The following MAPK8IP1 variants were observed in gnomAD, a reference collection of about 807,000 sequenced individuals.
MAPK8IP1 encodes the protein mitogen-activated protein kinase 8 interacting protein 1.
MAPK8IP1 carries 17 observed loss-of-function variants against 72.6 expected under a neutral mutation model. The observed-to-expected ratio is 0.23, with a 90% CI of 0.16 to 0.35. The LOEUF (loss-of-function observed/expected upper bound fraction) is 0.35, where lower values mean the gene tolerates loss of function less well. Among genes scored for constraint, MAPK8IP1 ranks in the 10% least tolerant of loss-of-function variants. The probability of loss-of-function intolerance (pLI) is 1.00; values close to 1 mark genes in which losing one functional copy is unlikely to be tolerated. For synonymous variants in MAPK8IP1, 401 were observed against 443.4 expected (o/e 0.90, Z 1.20); for missense variants, 789 against 1,009.7 (o/e 0.78, Z 2.96).
intron 1 of MAPK8IP1, among the ~76,000 whole-genome samples, chr11:45,892,101 T>C (rs1533614): frequency 0.88 from 133,269 of 152,188 alleles, 59,127 homozygotes; most frequent in Non-Finnish European, 0.94. Context: ...GGAGATGACC[T>C]CCGTATGGAG....
rs1354857461 is a variant in MAPK8IP1, at chr11:45,900,732, A to T, written c.522+280A>T. On this transcript the variant is annotated intron_variant, in intron 3 of 11. Transcript: ENST00000241014. The surrounding 1 kb of genome is among the most constrained non-coding windows in gnomAD (Gnocchi z 6.5). ...AGGAGAGGAGTAGGGAATTAAGAGA[A>T]TGAGGCTTTGAGGGGTTCGAAGGGT... 6.6e-6 allele frequency among the ~76,000 whole-genome samples: 1 copy of T among 152,100 alleles called. No individual in the cohort carries two copies. Among genetic ancestry groups the T allele is most frequent in the Admixed American group, 6.5e-5 (1 of 15,280 alleles).
chr11:45,892,950 AGCTTCGT>A, intron 1 of MAPK8IP1, among the ~76,000 whole-genome samples: 1 of 152,328 alleles, frequency 6.6e-6, no homozygotes, highest in Non-Finnish European at 1.5e-5. Flanking sequence ...ACTGGGAGCC[AGCTTCGT>A]TCTCAGCACT....
In MAPK8IP1 at chr11:45,903,013, T is replaced by C. The variant is rs1315279497; in HGVS notation, c.1246T>C (p.Cys416Arg). Reference sequence around the variant, plus strand: ...TGACTCTGCCACCGTCTATGACAACTGTGCCTCCGTCTCCTCGCCCTATGA... The same window carrying C: ...TGACTCTGCCACCGTCTATGACAACCGTGCCTCCGTCTCCTCGCCCTATGA... ...ESDSATVYDN[C>R]ASVSSPYESA... The change falls in exon 5 of 12, where the codon TGT becomes CGT. Residue 416 changes from cysteine (C) to arginine (R), a missense_variant. Physicochemically the swap from Cys to Arg is radical, Grantham distance 180. Around this residue, in one of 4 missense-constraint regions of MAPK8IP1, gnomAD observed 377 missense variants for 411.7 expected, o/e 0.92. Transcript: ENST00000241014. The surrounding 1 kb of genome is among the most constrained non-coding windows in gnomAD (Gnocchi z 6.4). 6.2e-7 allele frequency: 1 copy of C among 1,611,700 alleles called. No individual in the cohort carries two copies. Among genetic ancestry groups the C allele is most frequent in the Non-Finnish European group, 8.5e-7 (1 of 1,179,894 alleles).
At position 45,902,913 on chromosome 11, in the gene MAPK8IP1, G is replaced by T; in HGVS notation, c.1146G>T (p.Thr382=). ...SALSYDSVKY[T]LVVDEHAQLE... ...TGTCCTATGACTCTGTCAAGTACAC[G>T]CTGGTGGTAGATGAGCATGCACAGC... is the stretch of plus-strand genomic sequence containing the variant. Residue 382 remains threonine (T), a synonymous_variant, in exon 5 of 12, where the codon ACG becomes ACT. Coordinates refer to ENST00000241014, the MANE Select transcript of MAPK8IP1 (RefSeq NM_005456.4). The surrounding 1 kb of genome is among the most constrained non-coding windows in gnomAD (Gnocchi z 9.3). 1.2e-6 allele frequency: 2 copies of T among 1,609,550 alleles called. No homozygotes were observed. The highest frequency in any genetic ancestry group is 2.2e-5 in the South Asian group (2 of 90,372).
In MAPK8IP1 at chr11:45,902,921, T is replaced by C. The variant is rs758792311; in HGVS notation, c.1154T>C (p.Val385Ala). Residue 385 changes from valine (V) to alanine (A), a missense_variant, in exon 5 of 12, where the codon GTA (valine) becomes GCA (alanine). Coordinates refer to ENST00000241014, the MANE Select transcript of MAPK8IP1 (RefSeq NM_005456.4). This position sits in a 1 kb window ranked among gnomAD's most constrained non-coding sequence, Gnocchi z 9.3. ...GACTCTGTCAAGTACACGCTGGTGG[T>C]AGATGAGCATGCACAGCTGGAGCTG... ...SYDSVKYTLV[V>A]DEHAQLELVS... 6.2e-7 allele frequency: 1 copy of C among 1,610,542 alleles called. No homozygotes were observed. Among genetic ancestry groups the C allele is most frequent in the Admixed American group, 1.7e-5 (1 of 59,682 alleles).
In MAPK8IP1 at chr11:45,902,672, C is replaced by G. The variant is rs763930612; in HGVS notation, c.905C>G (p.Pro302Arg). 2 of 1,612,052 alleles carry G rather than the reference C, an allele frequency of 1.2e-6. No individual in the cohort carries two copies. Among genetic ancestry groups the G allele is most frequent in the Non-Finnish European group, 1.7e-6 (2 of 1,179,936 alleles). Reference sequence around the variant, plus strand: ...GAGCCCACCTCCGCCTTCCTGCCGCCCACTGAGAGCCGGATGTCAGTCAGC... The same window carrying G: ...GAGCCCACCTCCGCCTTCCTGCCGCGCACTGAGAGCCGGATGTCAGTCAGC... Reference protein sequence around the residue: ...AAEPTSAFLPPTESRMSVSSD... With the variant: ...AAEPTSAFLPRTESRMSVSSD... The change falls in exon 5 of 12, where the codon CCC becomes CGC. Residue 302 changes from proline (P) to arginine (R), a missense_variant. Pro to Arg is a moderately radical substitution (Grantham distance 103). Around this residue, in one of 4 missense-constraint regions of MAPK8IP1, gnomAD observed 377 missense variants for 411.7 expected, o/e 0.92. Coordinates refer to ENST00000241014, the MANE Select transcript of MAPK8IP1 (RefSeq NM_005456.4). This position sits in a 1 kb window ranked among gnomAD's most constrained non-coding sequence, Gnocchi z 9.3.
chr11:45,899,850 C>G (rs2086635632), intron 2 of MAPK8IP1, among the ~76,000 whole-genome samples: 3 of 152,198 alleles, frequency 2.0e-5, no homozygotes, highest in Admixed American at 2.0e-4. Flanking sequence ...CTTACAACCC[C>G]GGTGAGGTCA....
intron 1 of MAPK8IP1, among the ~76,000 whole-genome samples, chr11:45,897,839 G>A (rs1222645994): frequency 1.3e-5 from 2 of 152,182 alleles, no homozygotes; most frequent in Non-Finnish European, 2.9e-5. Context: ...AGCTTCCAGG[G>A]AGGAGCCAGA....
Position 45,898,119 on chromosome 11 carries a change from G to A in MAPK8IP1, c.136G>A (p.Asp46Asn). Residue 46 changes from aspartate (D) to asparagine (N), a missense_variant, in exon 2 of 12, where the codon GAT becomes AAT. This residue lies in a region of MAPK8IP1 where 112 missense variants were observed against 111.8 expected (regional missense o/e 1.00). Transcript: ENST00000241014. The part of the protein sequence containing the change: ...THDISLEEFE[D>N]EDLSEITDEC... ...TGACATCAGCCTGGAGGAGTTTGAG[G>A]ATGAAGACCTCTCGGAGATCACTGA... is the stretch of plus-strand genomic sequence containing the variant. The A allele has an allele frequency of 1.2e-6, 2 of 1,613,792 alleles. No homozygotes were observed. Among genetic ancestry groups the A allele is most frequent in the Non-Finnish European group, 1.7e-6 (2 of 1,179,808 alleles).
chr11:45,906,462 TG>T lies in MAPK8IP1; in HGVS notation c.*743del. 7.4e-7 allele frequency: 1 copy of T among 1,356,250 alleles called. No individual in the cohort carries two copies. The highest frequency in any genetic ancestry group is 9.8e-7 in the Non-Finnish European group (1 of 1,021,392). 84.0% of individuals were successfully genotyped at this position (1,356,250 alleles called of 1,614,324 possible). On this transcript the variant is annotated 3_prime_UTR_variant, in exon 12 of 12. Coordinates refer to ENST00000241014, the MANE Select transcript of MAPK8IP1 (RefSeq NM_005456.4). ...AACTATTAAAGTGCCATTTCCTGTC[TG>T]GACTGCAGTGGATGTATCTGCATGG...
Position 45,885,738 on chromosome 11 carries a change from C to G in MAPK8IP1, c.-83C>G. The G allele has an allele frequency of 1.3e-6, 1 of 785,140 alleles. No homozygotes were observed. The allele number at this position is 785,140 out of a possible 1,614,324, so 48.6% of individuals were successfully genotyped here. A position where few individuals can be genotyped will look rare whatever the true frequency, so the allele number is the denominator to read the frequency against. On this transcript the variant is annotated 5_prime_UTR_variant, in exon 1 of 12. Transcript: ENST00000241014. The stretch of plus-strand genomic sequence containing the variant: ...CCCGAACTCCGCGGCGGCGGCTGCC[C>G]TCTCGCCGCGCCTCCGCCTCCTTCG...
intron 1 of MAPK8IP1, among the ~76,000 whole-genome samples, chr11:45,888,061 G>T (rs1565069323): frequency 6.6e-6 from 1 of 152,174 alleles, no homozygotes. Context: ...TGAGATGCCA[G>T]CACTGGCCCC....
chr11:45,896,804 C>A (rs2134670305), intron 1 of MAPK8IP1: 13 of 1,543,258 alleles, frequency 8.4e-6, no homozygotes, highest in Non-Finnish European at 1.0e-5. Context: ...TGCCTTGAGC[C>A]CTGGCCCCCC....
In MAPK8IP1 at chr11:45,895,619, CA is replaced by C. The variant is rs1256044597; in HGVS notation, c.102-2451del. 3.3e-3 allele frequency among the ~76,000 whole-genome samples: 102 copies of C among 31,230 alleles called. 1 individual carries two copies. The highest frequency in any genetic ancestry group is 5.1e-3 in the African/African-American group (95 of 18,600). 20.5% of individuals were successfully genotyped at this position (31,230 alleles called of 152,430 possible). A position where few individuals can be genotyped will look rare whatever the true frequency, so the allele number is the denominator to read the frequency against. ...TGGGTGACAGAGCGAAAGGCCGTCTCAAAAAAAAAAAAAAATATATATATAT... is the reference window on the plus strand; with the variant it reads ...TGGGTGACAGAGCGAAAGGCCGTCTCAAAAAAAAAAAAAATATATATATAT... On this transcript the variant is annotated intron_variant, in intron 1 of 11. Coordinates refer to ENST00000241014, the MANE Select transcript of MAPK8IP1 (RefSeq NM_005456.4).
chr11:45,897,625 G>A lies in MAPK8IP1; in HGVS notation c.102-460G>A, dbSNP rs558057223. Among the ~76,000 whole-genome samples the A allele has an allele frequency of 1.3e-3, 196 of 152,324 alleles. 1 individual carries two copies. Among genetic ancestry groups the A allele is most frequent in the African/African-American group, 4.5e-3 (188 of 41,568 alleles). ...GGCATGAGTCTTCCTGAGCTGGGGCGTGGGGCACTCCTCTGAGGCTGCTGC... is the reference window on the plus strand; with the variant it reads ...GGCATGAGTCTTCCTGAGCTGGGGCATGGGGCACTCCTCTGAGGCTGCTGC... On this transcript the variant is annotated intron_variant, in intron 1 of 11. Transcript: ENST00000241014.
At chr11:45,896,788 C>T in intron 1 of MAPK8IP1, 6 of 1,534,170 alleles carry the variant, frequency 3.9e-6, no homozygotes, top group Non-Finnish European at 5.3e-6. Context: ...CAGAGGCCCC[C>T]AGCCCTGCCT....
Position 45,885,760 on chromosome 11 carries a change from T to A in MAPK8IP1, c.-61T>A, listed in dbSNP as rs2086521458. 1 of 1,048,430 alleles carries A rather than the reference T, an allele frequency of 9.5e-7. No homozygotes were observed. The allele number at this position is 1,048,430 out of a possible 1,614,324, so 64.9% of individuals were successfully genotyped here. A position where few individuals can be genotyped will look rare whatever the true frequency, so the allele number is the denominator to read the frequency against. On this transcript the variant is annotated 5_prime_UTR_variant, in exon 1 of 12. Coordinates refer to ENST00000241014, the MANE Select transcript of MAPK8IP1 (RefSeq NM_005456.4). ...GCCCTCTCGCCGCGCCTCCGCCTCCTTCGCAGCCGCCGCCTCCTCCGCGCC... is the reference window on the plus strand; with the variant it reads ...GCCCTCTCGCCGCGCCTCCGCCTCCATCGCAGCCGCCGCCTCCTCCGCGCC...
At chr11:45,887,391 G>C (rs903409361) in intron 1 of MAPK8IP1, among the ~76,000 whole-genome samples, 1 of 152,206 alleles carries the variant, frequency 6.6e-6, no homozygotes, top group African/African-American at 2.4e-5. Context: ...CTGCTGTCCA[G>C]AGTGTCTTCC....
rs1250312125 is a variant in MAPK8IP1, at chr11:45,903,438, C to T, written c.1491C>T (p.Phe497=). The T allele has an allele frequency of 6.2e-7, 1 of 1,611,796 alleles. No individual in the cohort carries two copies. The highest frequency in any genetic ancestry group is 1.1e-5 in the South Asian group (1 of 90,864). ...AGGAGCAGACCCACCGGGCCATATT[C>T]AGGTGAGAGCCATGGGCTGGCTGGG... is the stretch of plus-strand genomic sequence containing the variant. ...EEQEQTHRAI[F]RFVPRHEDEL... Residue 497 remains phenylalanine (F), a splice_region_variant and synonymous_variant, in exon 6 of 12, where the codon TTC becomes TTT. Transcript: ENST00000241014. This position sits in a 1 kb window ranked among gnomAD's most constrained non-coding sequence, Gnocchi z 6.4.
Sources: allele counts gnomAD v4.1 joint callset (sites outside exome capture counted in the v4.1 genomes callset), GRCh38; gene constraint gnomAD v4.1.1; regional missense constraint gnomAD v4.1.1; non-coding constraint Gnocchi (gnomAD v3.1); transcripts MANE v1.5; gene names NCBI Gene and HGNC (gene_info 2026-07-23, HGNC 2026-07-21).